MARCHF3: variants seen among roughly 807,000 people sequenced by gnomAD.
MARCHF3 encodes the protein membrane associated ring-CH-type finger 3, also known as E3 ubiquitin-protein ligase MARCHF3.
In MARCHF3, 13 loss-of-function variants were observed where a neutral mutation model predicts 24.2. The observed-to-expected ratio is 0.54, with a 90% CI of 0.35 to 0.85. MARCHF3 has a LOEUF of 0.85. Among genes scored for constraint, MARCHF3 ranks in the 40% least tolerant of loss-of-function variants. The pLI is 0.01. For missense variants in MARCHF3, 276 were observed against 325.0 expected (o/e 0.85, Z 1.16); for synonymous variants, 144 against 137.3 (o/e 1.05, Z -0.34).
chr5:126,977,426 C>G (rs886738598), intron 1 of MARCHF3, among the ~76,000 whole-genome samples: 22 of 152,300 alleles, frequency 1.4e-4, no homozygotes, highest in Admixed American at 7.8e-4. Flanking sequence ...TACCCCCAAC[C>G]CATCTACCTC....
chr5:127,023,452 T>C (rs1752877404), intron 1 of MARCHF3, among the ~76,000 whole-genome samples: 1 of 152,144 alleles, frequency 6.6e-6, no homozygotes, highest in African/African-American at 2.4e-5. Flanking sequence ...TCCCTCAGGC[T>C]GGGCATGGTG....
chr5:126,943,457 C>T lies in MARCHF3; in HGVS notation c.-56-25230G>A, dbSNP rs1749900864. ...TGTTAGCTGAGTGTGGTGGCACAGG[C>T]CTGTGGTCCCAGCTACTTGGGAGGC... On this transcript the variant is annotated intron_variant, in intron 1 of 4. Coordinates refer to ENST00000308660, the MANE Select transcript of MARCHF3 (RefSeq NM_178450.5). 7.2e-5 allele frequency among the ~76,000 whole-genome samples: 11 copies of T among 151,878 alleles called. No homozygotes were observed. In the South Asian group the frequency reaches 2.1e-3, roughly 29 times the overall value.
At chr5:126,937,020 T>C (rs1397288445) in intron 1 of MARCHF3, among the ~76,000 whole-genome samples, 2 of 152,262 alleles carry the variant, frequency 1.3e-5, no homozygotes, top group Non-Finnish European at 2.9e-5. Context: ...GTCATTTGCT[T>C]TCCCTCAGCT....
At chr5:126,912,255 C>A (rs563570736) in intron 3 of MARCHF3, among the ~76,000 whole-genome samples, 121 of 152,230 alleles carry the variant, frequency 7.9e-4, no homozygotes, top group Admixed American at 1.8e-3. Flanking sequence ...GGGGGATGAA[C>A]AGTTATGCAG....
At chr5:126,992,766 A>ATTTTTTTTTTTTT (rs757479478) in intron 1 of MARCHF3, among the ~76,000 whole-genome samples, 4 of 95,522 alleles carry the variant, frequency 4.2e-5, no homozygotes, top group Non-Finnish European at 7.9e-5. Context: ...CATCCACGTG[A>ATTTTTTTTTTTTT]TTTTTTTTTT....
rs560916581 is a variant in MARCHF3, at chr5:126,931,222, G to T, written c.-56-12995C>A. ...AAGGAGGCTGGCCAGGATGAAAGTG[G>T]TTTTTGTTGTAGTTGTTGTTGTTTT... On this transcript the variant is annotated intron_variant, in intron 1 of 4. Transcript: ENST00000308660. 2.6e-5 allele frequency among the ~76,000 whole-genome samples: 4 copies of T among 152,264 alleles called. No homozygotes were observed. The East Asian group carries it at 7.7e-4, about 29-fold the overall frequency.
intron 1 of MARCHF3, among the ~76,000 whole-genome samples, chr5:126,961,464 T>C (rs991694896): frequency 2.6e-5 from 4 of 152,124 alleles, no homozygotes; most frequent in African/African-American, 9.7e-5. Context: ...CAGGAATAAA[T>C]GCCAACAGTT....
chr5:126,943,167 G>A (rs1352530748), intron 1 of MARCHF3, among the ~76,000 whole-genome samples: 2 of 152,120 alleles, frequency 1.3e-5, no homozygotes, highest in Non-Finnish European at 2.9e-5. Context: ...GGTGGCAGGC[G>A]CCTGTAATCC....
intron 3 of MARCHF3, among the ~76,000 whole-genome samples, chr5:126,904,617 G>C (rs1367581702): frequency 6.7e-6 from 1 of 149,984 alleles, no homozygotes; most frequent in Non-Finnish European, 1.5e-5. Flanking sequence ...GTCTTCTTTT[G>C]AGAAGTGTCT....
chr5:126,879,983 C>T (rs754014463), intron 3 of MARCHF3, among the ~76,000 whole-genome samples: 2 of 151,870 alleles, frequency 1.3e-5, no homozygotes, highest in African/African-American at 4.8e-5. Flanking sequence ...GCCAGGGCAG[C>T]GAATCCTACA....
intron 3 of MARCHF3, among the ~76,000 whole-genome samples, chr5:126,892,602 C>T (rs1447778937): frequency 8.7e-5 from 13 of 149,610 alleles, no homozygotes; most frequent in South Asian, 2.1e-4. Flanking sequence ...TATTGATTTG[C>T]GTATATTGAA....
chr5:126,875,834 T>TA (rs1753136260), intron 4 of MARCHF3, among the ~76,000 whole-genome samples: 1 of 152,252 alleles, frequency 6.6e-6, no homozygotes, highest in African/African-American at 2.4e-5. Context: ...TTATCTCACT[T>TA]ACTCTTTGCA....
intron 1 of MARCHF3, among the ~76,000 whole-genome samples, chr5:127,016,605 A>G (rs1268486728): frequency 6.6e-6 from 1 of 152,184 alleles, no homozygotes; most frequent in Non-Finnish European, 1.5e-5. Context: ...AAAGGCAGGA[A>G]ACAACAGATG....
At chr5:126,971,678 A>C (rs1466737707) in intron 1 of MARCHF3, among the ~76,000 whole-genome samples, 1 of 152,160 alleles carries the variant, frequency 6.6e-6, no homozygotes, top group East Asian at 1.9e-4. Context: ...AGACTGCAAC[A>C]CAACCCAAAG....
intron 1 of MARCHF3, among the ~76,000 whole-genome samples, chr5:126,974,680 G>C (rs1009097384): frequency 2.6e-5 from 4 of 152,160 alleles, no homozygotes; most frequent in Admixed American, 2.6e-4. Flanking sequence ...AGGGAATCTT[G>C]ACCAAGATTT....
chr5:127,001,047 G>C (rs1752112654), intron 1 of MARCHF3, among the ~76,000 whole-genome samples: 1 of 152,038 alleles, frequency 6.6e-6, no homozygotes, highest in Non-Finnish European at 1.5e-5. Context: ...AGACCAGCCT[G>C]ATCAACATGG....
intron 4 of MARCHF3, among the ~76,000 whole-genome samples, chr5:126,873,868 G>C (rs2126764867): frequency 6.6e-6 from 1 of 152,304 alleles, no homozygotes; most frequent in Middle Eastern, 3.4e-3. Context: ...GGAGACCACA[G>C]GTTTGCATTG....
chr5:126,912,239 C>A (rs1754560498), intron 3 of MARCHF3, among the ~76,000 whole-genome samples: 1 of 152,092 alleles, frequency 6.6e-6, no homozygotes, highest in South Asian at 2.1e-4. Flanking sequence ...GGAACGGTGG[C>A]ATGAAGGGGG....
At chr5:127,025,053 A>C (rs1752950158) in intron 1 of MARCHF3, among the ~76,000 whole-genome samples, 1 of 152,212 alleles carries the variant, frequency 6.6e-6, no homozygotes, top group South Asian at 2.1e-4. Flanking sequence ...TGGTCCAATG[A>C]CGGATTACTC....
Sources: gnomAD v4.1 joint callset for allele counts (sites outside exome capture counted in the v4.1 genomes callset) on GRCh38, gnomAD v4.1.1 for gene constraint, MANE v1.5 for transcripts, NCBI Gene and HGNC (gene_info 2026-07-23, HGNC 2026-07-21) for gene names.